TBCK: variants seen among roughly 807,000 people sequenced by gnomAD.
TBCK encodes TBC domain-containing protein kinase-like protein.
TBCK carries 99 observed loss-of-function variants against 113.4 expected under a neutral mutation model. The ratio of observed to expected loss-of-function variants is 0.87; its 90% confidence interval spans 0.74 to 1.03. The LOEUF (loss-of-function observed/expected upper bound fraction) is 1.03, where lower values mean the gene tolerates loss of function less well. Ranked by LOEUF, TBCK falls within the 50% of genes least tolerant of loss-of-function variation. The pLI is 0.00. For synonymous variants in TBCK, 369 were observed against 370.8 expected (o/e 1.00, Z 0.05); for missense variants, 1,045 against 1,061.3 (o/e 0.98, Z 0.21).
At chr4:106,060,440 T>C (rs1007965996) in intron 25 of TBCK, among the ~76,000 whole-genome samples, 2 of 151,782 alleles carry the variant, frequency 1.3e-5, no homozygotes, top group African/African-American at 4.8e-5. Flanking sequence ...GTTCTATAAA[T>C]GGAACAACAA....
chr4:106,105,018 G>A lies in TBCK; in HGVS notation c.2412-9377C>T, dbSNP rs141142644. 9.8e-5 allele frequency among the ~76,000 whole-genome samples: 15 copies of A among 152,302 alleles called. No homozygotes were observed. The East Asian group carries it at 1.7e-3, about 18-fold the overall frequency. ...CCAACCAGAGCTATCGAGCCAGTGC[G>A]AACTCAGCAACTCCCTGCCCAGAGC... On this transcript the variant is annotated intron_variant, in intron 24 of 25. Coordinates refer to ENST00000394708, the MANE Select transcript of TBCK (RefSeq NM_001163435.3).
chr4:106,216,464 C>T (rs143999404), intron 19 of TBCK, among the ~76,000 whole-genome samples: 3 of 151,632 alleles, frequency 2.0e-5, no homozygotes, highest in Non-Finnish European at 4.4e-5. Context: ...ATTGATAGAC[C>T]GCTAGCAAGA....
chr4:106,212,866 T>C (rs1176233171), intron 19 of TBCK, 31 bp from the exon 20 acceptor site: 2 of 1,369,788 alleles, frequency 1.5e-6, no homozygotes, highest in Non-Finnish European at 1.0e-6. Context: ...ACAATCATCA[T>C]TTTTACACAG....
chr4:106,152,489 ATTTT>A (rs1002991983), intron 23 of TBCK, among the ~76,000 whole-genome samples: 3 of 151,688 alleles, frequency 2.0e-5, no homozygotes, highest in African/African-American at 7.3e-5. Flanking sequence ...GGTTTGCTAA[ATTTT>A]TTTTGAGAAT....
intron 2 of TBCK, among the ~76,000 whole-genome samples, chr4:106,298,915 T>G (rs1188592338): frequency 6.6e-6 from 1 of 152,144 alleles, no homozygotes; most frequent in Non-Finnish European, 1.5e-5. Context: ...GGTACAATCC[T>G]CAGTTTTAGA....
At chr4:106,280,551 T>C (rs1387324820) in intron 3 of TBCK, among the ~76,000 whole-genome samples, 1 of 152,128 alleles carries the variant, frequency 6.6e-6, no homozygotes, top group Non-Finnish European at 1.5e-5. Flanking sequence ...CTTGTAGTAG[T>C]TTCATAGCTT....
chr4:106,282,433 T>TC (rs1217044003), intron 3 of TBCK, among the ~76,000 whole-genome samples: 7 of 152,060 alleles, frequency 4.6e-5, no homozygotes, highest in African/African-American at 1.7e-4. Flanking sequence ...TTATTTTTTT[T>TC]CTTCTACTAA....
intron 2 of TBCK, among the ~76,000 whole-genome samples, chr4:106,301,749 T>C (rs1358070225): frequency 6.6e-6 from 1 of 152,128 alleles, no homozygotes; most frequent in Admixed American, 6.5e-5. Context: ...GTTACTGACT[T>C]AACAATAACA....
At chr4:106,303,928 C>T in intron 2 of TBCK, among the ~76,000 whole-genome samples, 1 of 152,142 alleles carries the variant, frequency 6.6e-6, no homozygotes, top group East Asian at 1.9e-4. Flanking sequence ...TCATGACCCT[C>T]AGATGATGCT....
chr4:106,282,662 G>T (rs1340087803), intron 3 of TBCK, among the ~76,000 whole-genome samples: 1 of 151,248 alleles, frequency 6.6e-6, no homozygotes, highest in Non-Finnish European at 1.5e-5. Context: ...TTTCTTTATT[G>T]ACCCCCTTTA....
chr4:106,200,613 T>A (rs1317961564), intron 20 of TBCK, among the ~76,000 whole-genome samples: 2 of 152,174 alleles, frequency 1.3e-5, no homozygotes, highest in Non-Finnish European at 2.9e-5. Context: ...TTAGCTTTTT[T>A]TTTTAAATTA....
At chr4:106,222,365 T>C (rs1363157243) in intron 19 of TBCK, among the ~76,000 whole-genome samples, 2 of 152,170 alleles carry the variant, frequency 1.3e-5, no homozygotes, top group African/African-American at 2.4e-5. Context: ...AAGAATTTTA[T>C]ATGACACTAT....
In TBCK at chr4:106,041,692, T is replaced by A. The variant is rs1234667645; in HGVS notation, c.*4878A>T. On this transcript the variant is annotated 3_prime_UTR_variant, in exon 26 of 26. Coordinates refer to ENST00000394708, the MANE Select transcript of TBCK (RefSeq NM_001163435.3). The stretch of plus-strand genomic sequence containing the variant: ...GACAATGCAAACTAATAATAGGTCC[T>A]CTGAAAGGAATGAGAAAGGATATTA... The A allele has an allele frequency of 6.6e-6, 1 of 152,178 alleles. No individual in the cohort carries two copies. The highest frequency in any genetic ancestry group is 1.5e-5 in the Non-Finnish European group (1 of 68,038). 9.4% of individuals were successfully genotyped at this position (152,178 alleles called of 1,614,324 possible).
At chr4:106,130,589 TACACACACAC>T (rs70941237) in intron 23 of TBCK, among the ~76,000 whole-genome samples, 21 of 142,510 alleles carry the variant, frequency 1.5e-4, no homozygotes, top group Middle Eastern at 3.6e-3. Flanking sequence ...TTGCGCTAAA[TACACACACAC>T]ACACACACAC....
chr4:106,294,512 C>T (rs1332378322), intron 3 of TBCK, among the ~76,000 whole-genome samples: 8 of 150,102 alleles, frequency 5.3e-5, no homozygotes, highest in South Asian at 2.1e-4. Flanking sequence ...CATGGAGTCT[C>T]GCTCTGTCAC....
chr4:106,251,870 C>T lies in TBCK; in HGVS notation c.593G>A (p.Cys198Tyr). Reference sequence around the variant, plus strand: ...TTAATATTTCTTTATACATACCACACAAAGCTCAAATAAAATGATTCCAAG... The same window carrying T: ...TTAATATTTCTTTATACATACCACATAAAGCTCAAATAAAATGATTCCAAG... ...WSLGIILFEL[C>Y]VGRKLFQSLD... The change falls in exon 6 of 26, where the codon TGT (cysteine) becomes TAT (tyrosine). Residue 198 changes from cysteine (C) to tyrosine (Y), a missense_variant. Coordinates refer to ENST00000394708, the MANE Select transcript of TBCK (RefSeq NM_001163435.3). 6.3e-7 allele frequency: 1 copy of T among 1,597,130 alleles called. No homozygotes were observed. Among genetic ancestry groups the T allele is most frequent in the Non-Finnish European group, 8.5e-7 (1 of 1,172,300 alleles).
At chr4:106,177,088 C>T (rs1751758655) in intron 22 of TBCK, among the ~76,000 whole-genome samples, 1 of 151,752 alleles carries the variant, frequency 6.6e-6, no homozygotes, top group African/African-American at 2.4e-5. Context: ...TCTTATATCA[C>T]AGCATCCTGA....
chr4:106,064,300 TACTC>T (rs1281655457), intron 25 of TBCK, among the ~76,000 whole-genome samples: 1 of 151,976 alleles, frequency 6.6e-6, no homozygotes, highest in Non-Finnish European at 1.5e-5. Context: ...AAGTATCAGT[TACTC>T]ACACTGTTTA....
chr4:106,312,902 G>A (rs997315892), intron 1 of TBCK, among the ~76,000 whole-genome samples: 2 of 152,120 alleles, frequency 1.3e-5, no homozygotes, highest in Admixed American at 6.5e-5. Flanking sequence ...AAAAAAATCA[G>A]AAGATAGTAC....
Sources: gnomAD v4.1 joint callset for allele counts (sites outside exome capture counted in the v4.1 genomes callset) on GRCh38, gnomAD v4.1.1 for gene constraint, MANE v1.5 for transcripts, NCBI Gene and HGNC (gene_info 2026-07-23, HGNC 2026-07-21) for gene names.